The following SLC7A6 variants were observed in gnomAD, a reference collection of about 807,000 sequenced individuals.
The protein encoded by SLC7A6 is solute carrier family 7 member 6, also known as Y+L amino acid transporter 2.
In SLC7A6, 29 loss-of-function variants were observed where a neutral mutation model predicts 46.6. The observed-to-expected ratio is 0.62, with a 90% CI of 0.46 to 0.85. The LOEUF is 0.85. SLC7A6 is among the 40% of genes least tolerant of loss of function. SLC7A6 has a pLI of 0.00. For missense variants in SLC7A6, 527 were observed against 647.6 expected, an observed-to-expected ratio of 0.81 and a Z score of 2.02; for synonymous variants, 276 against 257.3, an observed-to-expected ratio of 1.07 and a Z score of -0.70.
chr16:68,291,800 T>TGTGTGTGTGTGTGTGTGTGC, intron 7 of SLC7A6, 139 bp downstream of exon 7: 1 of 706,412 alleles, frequency 1.4e-6, no homozygotes, highest in Non-Finnish European at 2.4e-6. Flanking sequence ...TGTGTGTGTG[T>TGTGTGTGTGTGTGTGTGTGC]TTGGTATGTG....
chr16:68,276,015 T>C lies in SLC7A6; in HGVS notation c.523+766T>C, dbSNP rs1482184590. 2.6e-5 allele frequency among the ~76,000 whole-genome samples: 4 copies of C among 152,330 alleles called. No individual in the cohort carries two copies. In the Middle Eastern group the frequency reaches 0.01, roughly 389 times the overall value. ...CCAGTTAAAGTCATCAGTGAGAAAG[T>C]AGGCTTCACTAGACTGTGGGAGTCC... On this transcript the variant is annotated intron_variant, in intron 3 of 10. Coordinates refer to ENST00000219343, the MANE Select transcript of SLC7A6 (RefSeq NM_003983.6).
chr16:68,292,953 G>C (rs2043087251), intron 7 of SLC7A6, among the ~76,000 whole-genome samples: 1 of 152,156 alleles, frequency 6.6e-6, no homozygotes, highest in South Asian at 2.1e-4. Context: ...CCCAGGGCCG[G>C]GGGTATAATA....
intron 5 of SLC7A6, chr16:68,290,996 A>G (rs1175689647): frequency 3.4e-6 from 2 of 580,686 alleles, no homozygotes; most frequent in Non-Finnish European, 6.1e-6. Context: ...CTACTGTGGC[A>G]AAGATTAAAT....
chr16:68,301,594 G>A lies in SLC7A6; in HGVS notation c.*4266G>A. The A allele has an allele frequency of 2.2e-6, 1 of 457,512 alleles. No individual in the cohort carries two copies. The highest frequency in any genetic ancestry group is 3.8e-6 in the Non-Finnish European group (1 of 263,694). The allele number at this position is 457,512 out of a possible 1,614,324, so 28.3% of individuals were successfully genotyped here. ...ATCACTTTCCTATCATCTAAACCAA[G>A]TTCCTTCACACTGGAGTATTTTGTC... On this transcript the variant is annotated 3_prime_UTR_variant, in exon 11 of 11. Transcript: ENST00000219343.
rs1378001234 is a variant in SLC7A6, at chr16:68,300,821, G to C, written c.*3493G>C. ...TACTATCCAGTCTGTATTGCTACAA[G>C]GGACCCACTGGTACCCCTTTTAGAT... On this transcript the variant is annotated 3_prime_UTR_variant, in exon 11 of 11. Coordinates refer to ENST00000219343, the MANE Select transcript of SLC7A6 (RefSeq NM_003983.6). The C allele has an allele frequency of 1.0e-6, 1 of 986,086 alleles. No individual in the cohort carries two copies. Among genetic ancestry groups the C allele is most frequent in the Non-Finnish European group, 1.2e-6 (1 of 830,526 alleles). The allele number at this position is 986,086 out of a possible 1,614,324, so 61.1% of individuals were successfully genotyped here. A position where few individuals can be genotyped will look rare whatever the true frequency, so the allele number is the denominator to read the frequency against.
intron 3 of SLC7A6, among the ~76,000 whole-genome samples, chr16:68,282,433 A>T (rs951346862): frequency 6.6e-6 from 1 of 152,058 alleles, no homozygotes; most frequent in African/African-American, 2.4e-5. Flanking sequence ...AAAAACCACA[A>T]AAAAACAAGG....
intron 3 of SLC7A6, among the ~76,000 whole-genome samples, chr16:68,281,489 A>G (rs1214140385): frequency 2.0e-5 from 3 of 152,198 alleles, no homozygotes; most frequent in African/African-American, 7.2e-5. Flanking sequence ...GCTGAGGTTG[A>G]GAAACTCTGT....
In SLC7A6 at chr16:68,297,296, G is replaced by A. The variant is rs976124730; in HGVS notation, c.1516G>A (p.Glu506Lys). 9.3e-6 allele frequency: 15 copies of A among 1,613,414 alleles called. No homozygotes were observed. The highest frequency in any genetic ancestry group is 1.3e-5 in the Non-Finnish European group (15 of 1,179,774). The change falls in exon 11 of 11, where the codon GAA becomes AAA. Residue 506 changes from glutamate (E) to lysine (K), a missense_variant. Coordinates refer to ENST00000219343, the MANE Select transcript of SLC7A6 (RefSeq NM_003983.6). ...TGTCCTGACTGAGCTTGATGTAGCC[G>A]AAGAAAAAAAGGATGAGAGGAAAAC... Reference protein sequence around the residue: ...FCVLTELDVAEEKKDERKTD With the variant: ...FCVLTELDVAKEKKDERKTD
rs2043258253 is a variant in SLC7A6 at position 68,300,862 on chromosome 16, AG to A, written c.*3537del. On this transcript the variant is annotated 3_prime_UTR_variant, in exon 11 of 11. Transcript: ENST00000219343. Reference sequence around the variant, plus strand: ...CCTTTTAGATTCTATCAAAAGGAACAGGGTTTTCCTAGAGGCAGGCAGCCTG... The same window carrying A: ...CCTTTTAGATTCTATCAAAAGGAACAGGTTTTCCTAGAGGCAGGCAGCCTG... The A allele has an allele frequency of 2.0e-6, 2 of 988,842 alleles. No homozygotes were observed. Among genetic ancestry groups the A allele is most frequent in the African/African-American group, 3.5e-5 (2 of 57,344 alleles). The allele number at this position is 988,842 out of a possible 1,614,324, so 61.3% of individuals were successfully genotyped here.
chr16:68,277,246 C>T (rs544283571), intron 3 of SLC7A6, among the ~76,000 whole-genome samples: 1 of 151,008 alleles, frequency 6.6e-6, no homozygotes, highest in South Asian at 2.1e-4. Flanking sequence ...ACCACCACGC[C>T]CAGCTAATTT....
chr16:68,285,960 G>A (rs2042922097), intron 3 of SLC7A6, among the ~76,000 whole-genome samples: 1 of 151,594 alleles, frequency 6.6e-6, no homozygotes. Context: ...AGCTGGGTGT[G>A]GTGGTGTGCA....
At chr16:68,279,026 TA>T (rs1217716782) in intron 3 of SLC7A6, among the ~76,000 whole-genome samples, 2 of 152,042 alleles carry the variant, frequency 1.3e-5, no homozygotes, top group African/African-American at 2.4e-5. Flanking sequence ...GACTGCTTTA[TA>T]AAATTAAAAA....
chr16:68,289,117 C>A (rs1005851396), intron 4 of SLC7A6, among the ~76,000 whole-genome samples: 4 of 151,616 alleles, frequency 2.6e-5, no homozygotes, highest in Non-Finnish European at 5.9e-5. Flanking sequence ...CATGGAGAAA[C>A]CCTGTCTCTA....
Position 68,296,374 on chromosome 16 carries a change from C to A in SLC7A6, c.1130C>A (p.Ala377Glu). The A allele has an allele frequency of 6.2e-7, 1 of 1,613,978 alleles. No homozygotes were observed. Among genetic ancestry groups the A allele is most frequent in the Admixed American group, 1.7e-5 (1 of 60,016 alleles). ...ACCCCTTTCCCACAGTGCACCATGG[C>A]ACTCATCTACCTCATCGTGGAGGAT... ...IPALLFNCTM[A>E]LIYLIVEDVF... Residue 377 changes from alanine to glutamate, a missense_variant, in exon 9 of 11, where the codon GCA becomes GAA. Ala to Glu is a moderately radical substitution (Grantham distance 107). Coordinates refer to ENST00000219343, the MANE Select transcript of SLC7A6 (RefSeq NM_003983.6).
At chr16:68,292,940 G>A (rs768257225) in intron 7 of SLC7A6, 11 of 152,176 alleles carry the variant, frequency 7.2e-5, no homozygotes, top group Non-Finnish European at 1.5e-4. Flanking sequence ...AACTGGTGTT[G>A]TCCCCAGGGC....
rs374436601 is a variant in SLC7A6 at position 68,275,042 on chromosome 16, A to G, written c.316A>G (p.Thr106Ala). The part of the protein sequence containing the change: ...LCYAELGTTI[T>A]KSGASYAYIL... ...TTATGCAGAGCTGGGGACCACCATCACCAAGTCGGGAGCCAGCTACGCTTA... is the reference window on the plus strand; with the variant it reads ...TTATGCAGAGCTGGGGACCACCATCGCCAAGTCGGGAGCCAGCTACGCTTA... Residue 106 changes from threonine to alanine, a missense_variant, in exon 3 of 11, where the codon ACC becomes GCC. Coordinates refer to ENST00000219343, the MANE Select transcript of SLC7A6 (RefSeq NM_003983.6). The G allele has an allele frequency of 1.2e-6, 2 of 1,614,072 alleles. No homozygotes were observed. Among genetic ancestry groups the G allele is most frequent in the Non-Finnish European group, 1.7e-6 (2 of 1,180,004 alleles).
chr16:68,297,335 G>A lies in SLC7A6; in HGVS notation c.*7G>A. 6.2e-7 allele frequency: 1 copy of A among 1,613,702 alleles called. No homozygotes were observed. The highest frequency in any genetic ancestry group is 1.3e-5 in the African/African-American group (1 of 75,028). Reference sequence around the variant, plus strand: ...TGAGAGGAAAACTGACTAGAGGTCAGAGGTGGCTTTCTGAGGCCTGGAAGG... The same window carrying A: ...TGAGAGGAAAACTGACTAGAGGTCAAAGGTGGCTTTCTGAGGCCTGGAAGG... On this transcript the variant is annotated 3_prime_UTR_variant, in exon 11 of 11. Coordinates refer to ENST00000219343, the MANE Select transcript of SLC7A6 (RefSeq NM_003983.6).
chr16:68,278,452 CTTT>C (rs755853676), intron 3 of SLC7A6, among the ~76,000 whole-genome samples: 1 of 139,062 alleles, frequency 7.2e-6, no homozygotes. Context: ...ACCCTGCGGC[CTTT>C]TTTTTTTTTT....
intron 2 of SLC7A6, among the ~76,000 whole-genome samples, chr16:68,268,584 T>C (rs969449965): frequency 1.2e-4 from 19 of 152,274 alleles, no homozygotes; most frequent in African/African-American, 4.3e-4. Context: ...TGAATTGTGA[T>C]AAATTCATTT....
Sources: gnomAD v4.1 joint callset for allele counts (sites outside exome capture counted in the v4.1 genomes callset) on GRCh38, gnomAD v4.1.1 for gene constraint, MANE v1.5 for transcripts, NCBI Gene and HGNC (gene_info 2026-07-23, HGNC 2026-07-21) for gene names.